Variants in PTTG1IP observed in about 807,000 individuals in gnomAD.
PTTG1IP encodes the protein pituitary tumor-transforming gene 1 protein-interacting protein.
Under a neutral mutation model 24.4 loss-of-function variants are expected in PTTG1IP, and 16 were observed. The observed-to-expected ratio is 0.66, with a 90% CI of 0.44 to 1.00. The LOEUF (loss-of-function observed/expected upper bound fraction) is 1.00, where lower values mean the gene tolerates loss of function less well. Among genes scored for constraint, PTTG1IP ranks in the 50% least tolerant of loss-of-function variants. The pLI is 0.00. For missense variants in PTTG1IP, 241 were observed against 245.8 expected (o/e 0.98, Z 0.13); for synonymous variants, 89 against 96.8 (o/e 0.92, Z 0.47).
rs2083405625 is a variant in PTTG1IP, at chr21:44,850,887, T to G, written c.*694A>C. The G allele has an allele frequency of 6.5e-6, 1 of 153,014 alleles. No individual in the cohort carries two copies. Among genetic ancestry groups the G allele is most frequent in the Non-Finnish European group, 1.5e-5 (1 of 68,602 alleles). 9.5% of individuals were successfully genotyped at this position (153,014 alleles called of 1,614,324 possible). On this transcript the variant is annotated 3_prime_UTR_variant, in exon 6 of 6. Transcript: ENST00000330938. ...TAGTAAAGATACAAATTTTAAAAAT[T>G]GTCCAAAAAGGGCCTGAATTTTTAT...
intron 5 of PTTG1IP, among the ~76,000 whole-genome samples, chr21:44,854,185 C>T (rs751950810): frequency 3.7e-4 from 56 of 152,348 alleles, no homozygotes; most frequent in African/African-American, 5.5e-4. Context: ...ACCGCAGCGA[C>T]GTCCTCATGC....
chr21:44,865,323 G>A, intron 2 of PTTG1IP, 72 bp downstream of exon 2: 1 of 1,481,578 alleles, frequency 6.7e-7, no homozygotes, highest in Non-Finnish European at 9.4e-7. Context: ...CGAATCCCTG[G>A]ACCTAGAGAA....
chr21:44,857,654 C>T (rs1228875936), intron 3 of PTTG1IP, among the ~76,000 whole-genome samples: 2 of 152,246 alleles, frequency 1.3e-5, no homozygotes, highest in African/African-American at 4.8e-5. Context: ...TGAACACTTG[C>T]TGCATGCCTG....
intron 5 of PTTG1IP, among the ~76,000 whole-genome samples, chr21:44,852,290 C>G (rs566527756): frequency 1.3e-5 from 2 of 152,138 alleles, no homozygotes; most frequent in East Asian, 3.9e-4. Context: ...TCAAGGAATT[C>G]TCCTGCCTCA....
intron 1 of PTTG1IP, among the ~76,000 whole-genome samples, chr21:44,866,231 CAGCCT>C (rs2083535732): frequency 9.6e-6 from 1 of 104,106 alleles, no homozygotes; most frequent in African/African-American, 3.1e-5. Context: ...CACACACACA[CAGCCT>C]ACTCCCCCAA....
At chr21:44,866,679 TAA>T (rs1491512900) in intron 1 of PTTG1IP, among the ~76,000 whole-genome samples, 1 of 87,386 alleles carries the variant, frequency 1.1e-5, no homozygotes, top group Non-Finnish European at 2.2e-5. Flanking sequence ...TCCAATCCCA[TAA>T]CACACACACA....
intron 3 of PTTG1IP, 62 bp from the exon 4 acceptor site, chr21:44,856,426 G>A (rs1191644204): frequency 4.0e-6 from 6 of 1,516,752 alleles, no homozygotes; most frequent in Non-Finnish European, 5.4e-6. Context: ...CAGCACAGCA[G>A]CCTTCCCTCG....
chr21:44,852,988 T>A (rs142231657), intron 5 of PTTG1IP, among the ~76,000 whole-genome samples: 302 of 152,252 alleles, frequency 2.0e-3, no homozygotes, highest in South Asian at 1.0e-2. Context: ...AAGGGCCAAA[T>A]TAACCACCAA....
At chr21:44,863,125 G>GAC (rs1271716975) in intron 2 of PTTG1IP, among the ~76,000 whole-genome samples, 5 of 139,580 alleles carry the variant, frequency 3.6e-5, no homozygotes, top group African/African-American at 1.5e-4. Flanking sequence ...CAGCAGCACA[G>GAC]AGACACAGCC....
intron 1 of PTTG1IP, among the ~76,000 whole-genome samples, chr21:44,869,036 C>T (rs1049851894): frequency 7.9e-5 from 12 of 152,236 alleles, no homozygotes; most frequent in African/African-American, 2.9e-4. Flanking sequence ...GACAGAATCA[C>T]TGTGCCGTGC....
intron 5 of PTTG1IP, among the ~76,000 whole-genome samples, chr21:44,853,728 CA>C (rs71326076): frequency 0.11 from 16,127 of 152,158 alleles, 924 homozygotes; most frequent in African/African-American, 0.15. Context: ...CACCGGGAAA[CA>C]ACAGGCGACA....
At chr21:44,853,684 C>T (rs926402946) in intron 5 of PTTG1IP, among the ~76,000 whole-genome samples, 4 of 151,982 alleles carry the variant, frequency 2.6e-5, no homozygotes, top group South Asian at 2.1e-4. Context: ...GACAGTCACA[C>T]GCAGGTACCC....
intron 5 of PTTG1IP, among the ~76,000 whole-genome samples, chr21:44,853,763 C>T (rs905023397): frequency 2.0e-5 from 3 of 152,178 alleles, no homozygotes; most frequent in African/African-American, 7.2e-5. Flanking sequence ...AAGGACAAGG[C>T]AGCAGTGAAG....
chr21:44,862,884 A>AT (rs1335556730), intron 2 of PTTG1IP, among the ~76,000 whole-genome samples: 1 of 152,022 alleles, frequency 6.6e-6, no homozygotes, highest in Non-Finnish European at 1.5e-5. Context: ...TTTTTGGCTA[A>AT]TCCTCCCTTT....
At chr21:44,869,149 T>C (rs552334396) in intron 1 of PTTG1IP, among the ~76,000 whole-genome samples, 1 of 152,202 alleles carries the variant, frequency 6.6e-6, no homozygotes, top group South Asian at 2.1e-4. Flanking sequence ...GGAACTATTC[T>C]AGATCAATGG....
intron 5 of PTTG1IP, among the ~76,000 whole-genome samples, chr21:44,852,781 C>T (rs980581173): frequency 7.2e-5 from 11 of 152,144 alleles, no homozygotes; most frequent in Non-Finnish European, 1.3e-4. Flanking sequence ...AGAGGGAAAA[C>T]CAAAACCAAA....
intron 1 of PTTG1IP, among the ~76,000 whole-genome samples, chr21:44,872,072 C>T (rs1016310408): frequency 4.6e-5 from 7 of 152,220 alleles, no homozygotes; most frequent in African/African-American, 1.4e-4. Flanking sequence ...CTGACACTCC[C>T]GCTTTCACAA....
In PTTG1IP at chr21:44,856,273, C is replaced by T; in HGVS notation, c.369G>A (p.Arg123=). The part of the protein sequence containing the change: ...IAICCCCCCR[R]KRSRKPDRSE... ...TCCTGTCCGGCTTCCGGCTCCTCTT[C>T]CTCCTGCAGCAGCAGCAGCAGCAGA... The change falls in exon 4 of 6, where the codon AGG becomes AGA. Residue 123 remains arginine, a synonymous_variant. Coordinates refer to ENST00000330938, the MANE Select transcript of PTTG1IP (RefSeq NM_004339.4). 1 of 1,614,196 alleles carries T rather than the reference C, an allele frequency of 6.2e-7. No homozygotes were observed. Among genetic ancestry groups the T allele is most frequent in the African/African-American group, 1.3e-5 (1 of 75,042 alleles).
intron 2 of PTTG1IP, among the ~76,000 whole-genome samples, chr21:44,861,541 C>T (rs745862954): frequency 6.6e-6 from 1 of 152,016 alleles, no homozygotes. Flanking sequence ...GCTGAGGCCA[C>T]GGGGCCTCTG....
Sources: gnomAD v4.1 joint callset for allele counts (sites outside exome capture counted in the v4.1 genomes callset) on GRCh38, gnomAD v4.1.1 for gene constraint, MANE v1.5 for transcripts, NCBI Gene and HGNC (gene_info 2026-07-23, HGNC 2026-07-21) for gene names.